FARS2: variants seen among roughly 807,000 people sequenced by gnomAD.
The protein encoded by FARS2 is phenylalanyl-tRNA synthetase 2, mitochondrial.
FARS2 carries 40 observed loss-of-function variants against 46.4 expected under a neutral mutation model. The ratio of observed to expected loss-of-function variants is 0.86; its 90% CI spans 0.67 to 1.12. FARS2 has a LOEUF of 1.12. FARS2 is among the 50% of genes most tolerant of loss of function. FARS2 has a pLI of 0.00. For synonymous variants in FARS2, 234 were observed against 214.9 expected, an observed-to-expected ratio of 1.09 and a Z score of -0.78; for missense variants, 513 against 567.9, an observed-to-expected ratio of 0.90 and a Z score of 0.98.
intron 4 of FARS2, among the ~76,000 whole-genome samples, chr6:5,495,387 C>T (rs930020808): frequency 6.6e-6 from 1 of 152,200 alleles, no homozygotes; most frequent in Non-Finnish European, 1.5e-5. Flanking sequence ...CCTGTGCTCC[C>T]AGTGGAGCCA....
chr6:5,306,934 G>A (rs1003466289), intron 1 of FARS2, among the ~76,000 whole-genome samples: 2 of 144,984 alleles, frequency 1.4e-5, no homozygotes, highest in East Asian at 1.9e-4. Flanking sequence ...AATTTGTTCT[G>A]AAAAACTAAA....
intron 4 of FARS2, among the ~76,000 whole-genome samples, chr6:5,496,795 G>T (rs894999099): frequency 7.2e-5 from 11 of 152,090 alleles, no homozygotes; most frequent in African/African-American, 2.4e-4. Context: ...GGTCCTGGGG[G>T]TTAGGACTTT....
intron 5 of FARS2, among the ~76,000 whole-genome samples, chr6:5,592,781 A>G (rs1773988574): frequency 1.3e-5 from 2 of 152,218 alleles, no homozygotes; most frequent in South Asian, 4.1e-4. Flanking sequence ...TAGCAAAGAA[A>G]TGTTTCATAT....
intron 4 of FARS2, among the ~76,000 whole-genome samples, chr6:5,462,673 G>A (rs779628079): frequency 1.3e-4 from 20 of 152,146 alleles, no homozygotes; most frequent in Non-Finnish European, 2.6e-4. Flanking sequence ...TGGTATCTTT[G>A]TTGAAAATCT....
chr6:5,340,666 C>G (rs1465786264), intron 1 of FARS2, among the ~76,000 whole-genome samples: 1 of 152,122 alleles, frequency 6.6e-6, no homozygotes, highest in Non-Finnish European at 1.5e-5. Flanking sequence ...AAGTAGGTCT[C>G]AGGAAATGGC....
intron 6 of FARS2, among the ~76,000 whole-genome samples, chr6:5,760,788 T>C (rs1217697136): frequency 6.6e-6 from 1 of 152,218 alleles, no homozygotes; most frequent in East Asian, 1.9e-4. Context: ...CACTTAACCA[T>C]GTGCCAAAGT....
chr6:5,512,445 G>C lies in FARS2; in HGVS notation c.905-32735G>C, dbSNP rs183641623. Among the ~76,000 whole-genome samples the C allele has an allele frequency of 2.6e-5, 4 of 152,212 alleles. No homozygotes were observed. In the East Asian group the frequency reaches 7.7e-4, roughly 29 times the overall value. ...ATTCTGATTTTACCTCTCAAGACTT[G>C]CATTGTTCATGTTCCTGAAGGAAAT... On this transcript the variant is annotated intron_variant, in intron 4 of 6. Coordinates refer to ENST00000274680, the MANE Select transcript of FARS2 (RefSeq NM_006567.5).
chr6:5,449,949 A>C (rs1764391888), intron 4 of FARS2, among the ~76,000 whole-genome samples: 1 of 152,228 alleles, frequency 6.6e-6, no homozygotes, highest in Non-Finnish European at 1.5e-5. Context: ...GAGTATACCA[A>C]AATCTGCACA....
At position 5,657,069 on chromosome 6, in the gene FARS2, A is replaced by C. The variant is rs544310991; in HGVS notation, c.1217+43749A>C. Reference sequence around the variant, plus strand: ...TATTTTACATATCCTTATGTAATGCATATATGTATATACATTGTGTATATA... The same window carrying C: ...TATTTTACATATCCTTATGTAATGCCTATATGTATATACATTGTGTATATA... On this transcript the variant is annotated intron_variant, in intron 6 of 6. Coordinates refer to ENST00000274680, the MANE Select transcript of FARS2 (RefSeq NM_006567.5). Among the ~76,000 whole-genome samples, 8 of 152,338 alleles carry C rather than the reference A, an allele frequency of 5.3e-5. No homozygotes were observed. The South Asian group carries it at 1.7e-3, about 32-fold the overall frequency.
chr6:5,579,689 G>A (rs921133178), intron 5 of FARS2, among the ~76,000 whole-genome samples: 8 of 152,154 alleles, frequency 5.3e-5, no homozygotes, highest in African/African-American at 1.9e-4. Context: ...CATGTGGAGG[G>A]ATGTGTGTGC....
chr6:5,257,559 T>C (rs1431232373), upstream of FARS2, among the ~76,000 whole-genome samples: 1 of 152,198 alleles, frequency 6.6e-6, no homozygotes, highest in Non-Finnish European at 1.5e-5. Context: ...GTCCGTGGCC[T>C]GTTAGGAACC....
intron 4 of FARS2, among the ~76,000 whole-genome samples, chr6:5,495,576 T>A (rs372087961): frequency 3.9e-5 from 6 of 152,374 alleles, no homozygotes; most frequent in East Asian, 3.9e-4. Flanking sequence ...AGCTTGCAAC[T>A]CAGGCTAAGG....
intron 4 of FARS2, chr6:5,466,720 G>T (rs1765536231): frequency 1.0e-6 from 1 of 981,764 alleles, no homozygotes; most frequent in African/African-American, 1.7e-5. Flanking sequence ...TCCTTCCAGA[G>T]AGTCGAATGC....
At chr6:5,621,335 C>T (rs1212860929) in intron 6 of FARS2, among the ~76,000 whole-genome samples, 3 of 152,070 alleles carry the variant, frequency 2.0e-5, no homozygotes, top group Non-Finnish European at 4.4e-5. Context: ...AAGGGATCCT[C>T]CCTCCTTGGC....
intron 4 of FARS2, among the ~76,000 whole-genome samples, chr6:5,493,988 G>A (rs1767291353): frequency 6.6e-6 from 1 of 152,186 alleles, no homozygotes; most frequent in Admixed American, 6.5e-5. Context: ...CAATGACAGT[G>A]AGTGCCAGCG....
chr6:5,609,277 A>C lies in FARS2; in HGVS notation c.1066-3892A>C, dbSNP rs891336556. 9.5e-6 allele frequency: 10 copies of C among 1,048,446 alleles called. No individual in the cohort carries two copies. The East Asian group carries it at 2.1e-4, about 22-fold the overall frequency. The allele number at this position is 1,048,446 out of a possible 1,614,324, so 64.9% of individuals were successfully genotyped here. On this transcript the variant is annotated intron_variant, in intron 5 of 6. Transcript: ENST00000274680. ...CTACTGCTGCTACTGGAACTGCCCTAGCCACCTTGGTTTCATGGTTTGGCA... is the reference window on the plus strand; with the variant it reads ...CTACTGCTGCTACTGGAACTGCCCTCGCCACCTTGGTTTCATGGTTTGGCA...
intron 2 of FARS2, among the ~76,000 whole-genome samples, chr6:5,380,356 A>G (rs1759675295): frequency 6.6e-6 from 1 of 152,254 alleles, no homozygotes; most frequent in African/African-American, 2.4e-5. Flanking sequence ...AAATAATTAC[A>G]GTTAGAGACG....
At chr6:5,350,964 A>G (rs1757538442) in intron 1 of FARS2, among the ~76,000 whole-genome samples, 1 of 152,196 alleles carries the variant, frequency 6.6e-6, no homozygotes, top group Non-Finnish European at 1.5e-5. Context: ...CTCATCATTT[A>G]GTAAGTTGTT....
At chr6:5,741,544 G>A (rs1231233761) in intron 6 of FARS2, among the ~76,000 whole-genome samples, 1 of 152,180 alleles carries the variant, frequency 6.6e-6, no homozygotes, top group Non-Finnish European at 1.5e-5. Context: ...TTGCTTCCAC[G>A]GGACCACTCC....
Sources: gnomAD v4.1 joint callset for allele counts (sites outside exome capture counted in the v4.1 genomes callset) on GRCh38, gnomAD v4.1.1 for gene constraint, MANE v1.5 for transcripts, NCBI Gene and HGNC (gene_info 2026-07-23, HGNC 2026-07-21) for gene names.